Variants in SLC12A7 observed in about 807,000 individuals in gnomAD.
The protein encoded by SLC12A7 is solute carrier family 12 member 7.
Under a neutral mutation model 120.6 loss-of-function variants are expected in SLC12A7, and 100 were observed. That is an observed-to-expected ratio of 0.83 (90% CI 0.71 to 0.98). The LOEUF (loss-of-function observed/expected upper bound fraction) is 0.98. Among genes scored for constraint, SLC12A7 ranks in the 50% least tolerant of loss-of-function variants. The pLI, the probability that SLC12A7 is intolerant of heterozygous loss-of-function variation, is 0.00. For missense variants in SLC12A7, 1,373 were observed against 1,548.1 expected, an observed-to-expected ratio of 0.89 and a Z score of 1.90; for synonymous variants, 760 against 678.0, an observed-to-expected ratio of 1.12 and a Z score of -1.88.
the SLC12A7 span, among the ~76,000 whole-genome samples, chr5:1,117,852 A>G: frequency 2.0e-5 from 3 of 152,200 alleles, no homozygotes; most frequent in Non-Finnish European, 4.4e-5. This position sits in a 1 kb window ranked among gnomAD's most constrained non-coding sequence, Gnocchi z 4.5. Context: ...TGGGTGGATC[A>G]CGAGGTCAGG....
the SLC12A7 span, among the ~76,000 whole-genome samples, chr5:1,125,293 G>A: frequency 1.5e-4 from 23 of 149,022 alleles, no homozygotes; most frequent in Admixed American, 4.0e-4. Flanking sequence ...GTGTGTGTGT[G>A]TGAATTCTTT....
Position 1,051,088 on chromosome 5 carries a change from G to C in SLC12A7, c.*1272C>G. Reference sequence around the variant, plus strand: ...CCACATAGAAAGGGAGGCCCAAGTCGGTGCCACTGCCCGCAGCCTGCAAAT... The same window carrying C: ...CCACATAGAAAGGGAGGCCCAAGTCCGTGCCACTGCCCGCAGCCTGCAAAT... On this transcript the variant is annotated 3_prime_UTR_variant, in exon 24 of 24. Coordinates refer to ENST00000264930, the MANE Select transcript of SLC12A7 (RefSeq NM_006598.3). 1 of 396,662 alleles carries C rather than the reference G, an allele frequency of 2.5e-6. No homozygotes were observed. Among genetic ancestry groups the C allele is most frequent in the Non-Finnish European group, 4.4e-6 (1 of 225,390 alleles). The allele number at this position is 396,662 out of a possible 1,614,324, so 24.6% of individuals were successfully genotyped here.
At chr5:1,079,605 T>C in intron 9 of SLC12A7, 109 bp from the exon 10 acceptor site, 1 of 862,190 alleles carries the variant, frequency 1.2e-6, no homozygotes, top group South Asian at 1.5e-5. Context: ...ACCCCGAGCG[T>C]GAGCTGCAGC....
chr5:1,095,486 C>G (rs1741038677), intron 1 of SLC12A7, among the ~76,000 whole-genome samples: 1 of 152,244 alleles, frequency 6.6e-6, no homozygotes, highest in Admixed American at 6.5e-5. Flanking sequence ...TGCTGCACAC[C>G]AGCTCCCCAG....
upstream of SLC12A7, among the ~76,000 whole-genome samples, chr5:1,113,523 C>A (rs1268646209): frequency 6.6e-6 from 1 of 152,188 alleles, no homozygotes; most frequent in African/African-American, 2.4e-5. Context: ...GCCCATCCAG[C>A]ACCAGCCCTT....
the SLC12A7 span, among the ~76,000 whole-genome samples, chr5:1,133,640 G>C: frequency 6.6e-6 from 1 of 152,208 alleles, no homozygotes; most frequent in Non-Finnish European, 1.5e-5. Flanking sequence ...CATGCTTGCT[G>C]GGTGTCATCC....
At chr5:1,148,915 G>A in the SLC12A7 span, among the ~76,000 whole-genome samples, 1 of 152,242 alleles carries the variant, frequency 6.6e-6, no homozygotes, top group African/African-American at 2.4e-5. Flanking sequence ...ATGGAGTGAT[G>A]TATTGGGGCC....
At chr5:1,122,459 T>C in the SLC12A7 span, among the ~76,000 whole-genome samples, 3 of 152,358 alleles carry the variant, frequency 2.0e-5, no homozygotes, top group Non-Finnish European at 2.9e-5. Flanking sequence ...TTTTCCTTTT[T>C]CTAAAAAAAT....
chr5:1,097,667 A>G (rs1741406072), intron 1 of SLC12A7, among the ~76,000 whole-genome samples: 1 of 152,182 alleles, frequency 6.6e-6, no homozygotes, highest in Non-Finnish European at 1.5e-5. Flanking sequence ...CGATGAGTCC[A>G]GAACGCGAGG....
At chr5:1,081,819 C>T in intron 8 of SLC12A7, 75 bp from the exon 9 acceptor site, 1 of 1,530,666 alleles carries the variant, frequency 6.5e-7, no homozygotes, top group East Asian at 2.3e-5. Context: ...CGCCCACTCC[C>T]CGGCAGGTGC....
chr5:1,140,324 G>C, the SLC12A7 span, among the ~76,000 whole-genome samples: 2 of 152,186 alleles, frequency 1.3e-5, no homozygotes, highest in East Asian at 3.9e-4. Context: ...ATGGCCCCTC[G>C]GGTGAATCCT....
At chr5:1,134,742 A>AAC in the SLC12A7 span, among the ~76,000 whole-genome samples, 1 of 152,194 alleles carries the variant, frequency 6.6e-6, no homozygotes, top group Admixed American at 6.5e-5. Context: ...CACTACCCAC[A>AAC]ACAGCCAGGT....
At chr5:1,064,935 G>GCGAGGGGACAC in intron 18 of SLC12A7, among the ~76,000 whole-genome samples, 1 of 145,884 alleles carries the variant, frequency 6.9e-6, no homozygotes. Context: ...TGAGGGGACA[G>GCGAGGGGACAC]TGAGGGGACG....
At chr5:1,077,751 C>T (rs984443730) in intron 12 of SLC12A7, 82 bp downstream of exon 12, 21 of 1,370,134 alleles carry the variant, frequency 1.5e-5, no homozygotes, top group South Asian at 4.4e-5. Flanking sequence ...GTCCCACACA[C>T]GGCACTGTGA....
the SLC12A7 span, among the ~76,000 whole-genome samples, chr5:1,121,974 G>C: frequency 6.6e-6 from 1 of 152,182 alleles, no homozygotes; most frequent in Non-Finnish European, 1.5e-5. Flanking sequence ...ACACTGCGCT[G>C]CAGGCACGAA....
intron 17 of SLC12A7, 76 bp from the exon 18 acceptor site, chr5:1,065,554 A>T: frequency 7.7e-7 from 1 of 1,295,942 alleles, no homozygotes; most frequent in Non-Finnish European, 1.1e-6. Context: ...CACGGTGGCC[A>T]GGGCACCCGC....
upstream of SLC12A7, among the ~76,000 whole-genome samples, chr5:1,113,854 A>G (rs1473657099): frequency 6.6e-6 from 1 of 152,206 alleles, no homozygotes; most frequent in Non-Finnish European, 1.5e-5. Flanking sequence ...GCTTCTGTAC[A>G]TTCAACCCTG....
chr5:1,065,651 G>C (rs1272242611), intron 17 of SLC12A7, among the ~76,000 whole-genome samples, 173 bp from the exon 18 acceptor site: 2 of 152,168 alleles, frequency 1.3e-5, no homozygotes, highest in Admixed American at 1.3e-4. Flanking sequence ...GTGTGTATGT[G>C]TGTATGTGCG....
the SLC12A7 span, among the ~76,000 whole-genome samples, chr5:1,146,422 G>A: frequency 6.6e-6 from 1 of 152,222 alleles, no homozygotes; most frequent in African/African-American, 2.4e-5. This position sits in a 1 kb window ranked among gnomAD's most constrained non-coding sequence, Gnocchi z 6.5. Context: ...GGTGGGAGCA[G>A]TGGTGGCCTG....
Sources: allele counts gnomAD v4.1 joint callset (sites outside exome capture counted in the v4.1 genomes callset), GRCh38; gene constraint gnomAD v4.1.1; non-coding constraint Gnocchi (gnomAD v3.1); transcripts MANE v1.5; gene names NCBI Gene and HGNC (gene_info 2026-07-23, HGNC 2026-07-21).